OR7C1: variants seen among roughly 807,000 people sequenced by gnomAD.
The protein encoded by OR7C1 is olfactory receptor 7C1.
For missense variants in OR7C1, 324 were observed against 383.3 expected, an observed-to-expected ratio of 0.85 and a Z score of 1.29; for synonymous variants, 152 against 160.7, an observed-to-expected ratio of 0.95 and a Z score of 0.41.
rs370546644 is a variant in OR7C1, at chr19:14,828,087, T to A, written c.-623+6987A>T. 1.4e-5 allele frequency: 22 copies of A among 1,612,884 alleles called. No individual in the cohort carries two copies. The African/African-American group carries it at 2.7e-4, about 20-fold the overall frequency. ...GTACATGGGGGTGTGGAGGTGGGAG[T>A]CTGAGATTGTGGCCAGGATGATGAG... is the stretch of plus-strand genomic sequence containing the variant. On this transcript the variant is annotated intron_variant, in intron 1 of 4. Transcript: ENST00000641666.
At chr19:14,803,036 G>A (rs1247317793) in intron 2 of OR7C1, among the ~76,000 whole-genome samples, 8 of 152,228 alleles carry the variant, frequency 5.3e-5, no homozygotes, top group Non-Finnish European at 8.8e-5. Flanking sequence ...GCCAGGCGTC[G>A]TGGCTCACGC....
chr19:14,828,651 T>A (rs992814057), intron 1 of OR7C1, among the ~76,000 whole-genome samples: 3 of 148,920 alleles, frequency 2.0e-5, no homozygotes, highest in African/African-American at 7.5e-5. Context: ...CCCAGCTACT[T>A]GGGAGGCTGA....
intron 1 of OR7C1, chr19:14,824,114 C>T (rs1185970036): frequency 6.6e-6 from 1 of 152,182 alleles, no homozygotes; most frequent in Non-Finnish European, 1.5e-5. Flanking sequence ...AGCTCCCTAA[C>T]TTTTATGGCT....
chr19:14,824,507 T>G (rs2083262099), intron 1 of OR7C1: 1 of 152,224 alleles, frequency 6.6e-6, no homozygotes, highest in South Asian at 2.1e-4. Flanking sequence ...TTAGTTCACT[T>G]AGGATAATGG....
At chr19:14,819,837 C>T (rs182703502) in intron 1 of OR7C1, among the ~76,000 whole-genome samples, 256 of 152,280 alleles carry the variant, frequency 1.7e-3, no homozygotes, top group Non-Finnish European at 3.0e-3. Context: ...ATCTCAAATT[C>T]GAAACCCATG....
intron 1 of OR7C1, among the ~76,000 whole-genome samples, chr19:14,818,550 A>C (rs564573385): frequency 1.3e-5 from 2 of 152,300 alleles, no homozygotes; most frequent in African/African-American, 4.8e-5. Flanking sequence ...TTTGTTAGAT[A>C]GTTCCTGTTT....
intron 2 of OR7C1, among the ~76,000 whole-genome samples, chr19:14,808,276 C>A (rs2044675309): frequency 6.6e-6 from 1 of 151,872 alleles, no homozygotes; most frequent in Non-Finnish European, 1.5e-5. Context: ...TGGGTATATA[C>A]CCCAAAGAAA....
chr19:14,808,788 T>C (rs751566680), intron 2 of OR7C1, among the ~76,000 whole-genome samples: 25 of 152,140 alleles, frequency 1.6e-4, no homozygotes, highest in Non-Finnish European at 3.2e-4. Context: ...AGTTTTTCCA[T>C]TTATGTAGAC....
chr19:14,833,333 G>A (rs1026209939), intron 1 of OR7C1, among the ~76,000 whole-genome samples: 7 of 152,232 alleles, frequency 4.6e-5, no homozygotes, highest in Non-Finnish European at 8.8e-5. Flanking sequence ...ACAAAAATTA[G>A]ATGGGTATGG....
intron 1 of OR7C1, among the ~76,000 whole-genome samples, chr19:14,812,442 A>G (rs192637808): frequency 9.2e-5 from 14 of 152,310 alleles, no homozygotes; most frequent in Admixed American, 9.1e-4. Context: ...CAGACATTGT[A>G]TAAAAGAACA....
chr19:14,812,575 G>A (rs1390477314), intron 1 of OR7C1, among the ~76,000 whole-genome samples: 1 of 151,778 alleles, frequency 6.6e-6, no homozygotes, highest in Non-Finnish European at 1.5e-5. Context: ...AGAGTTGTGA[G>A]CCCTTAAAAG....
At chr19:14,814,669 C>T (rs1447268874) in intron 1 of OR7C1, among the ~76,000 whole-genome samples, 1 of 152,200 alleles carries the variant, frequency 6.6e-6, no homozygotes, top group South Asian at 2.1e-4. Flanking sequence ...AGGTGATCCA[C>T]CTGCCTCGGC....
At chr19:14,812,893 A>G (rs2044697978) in intron 1 of OR7C1, among the ~76,000 whole-genome samples, 2 of 151,626 alleles carry the variant, frequency 1.3e-5, no homozygotes, top group Admixed American at 6.6e-5. Context: ...GTGAAACCCC[A>G]TCTCTACTAA....
intron 1 of OR7C1, among the ~76,000 whole-genome samples, chr19:14,822,195 A>C (rs770721487): frequency 9.2e-5 from 14 of 151,996 alleles, no homozygotes; most frequent in Non-Finnish European, 2.1e-4. Context: ...CAACATACTG[A>C]TTTCATTTCC....
chr19:14,808,834 C>T (rs909728840), intron 2 of OR7C1, among the ~76,000 whole-genome samples: 1 of 151,954 alleles, frequency 6.6e-6, no homozygotes. Context: ...GCTTTGTCCT[C>T]GTTAGAACTC....
At chr19:14,822,747 A>C (rs1436708466) in intron 1 of OR7C1, among the ~76,000 whole-genome samples, 2 of 151,900 alleles carry the variant, frequency 1.3e-5, no homozygotes, top group African/African-American at 4.8e-5. Flanking sequence ...GTTATAATGT[A>C]CATTTCTCTG....
At chr19:14,827,384 G>C in intron 1 of OR7C1, 1 of 1,613,566 alleles carries the variant, frequency 6.2e-7, no homozygotes, top group South Asian at 1.1e-5. Flanking sequence ...AGATAAAGGG[G>C]TTCAGCATGG....
At chr19:14,827,596 A>G (rs1484176999) in intron 1 of OR7C1, 1 of 1,614,196 alleles carries the variant, frequency 6.2e-7, no homozygotes, top group African/African-American at 1.3e-5. Flanking sequence ...GAGTAAGAGT[A>G]AAGGATCCCA....
intron 1 of OR7C1, among the ~76,000 whole-genome samples, chr19:14,814,903 GA>G (rs986929238): frequency 1.6e-4 from 25 of 152,282 alleles, no homozygotes; most frequent in African/African-American, 6.0e-4. Context: ...GAGACCATGA[GA>G]CTGGCAGAAC....
Sources: gnomAD v4.1 joint callset for allele counts (sites outside exome capture counted in the v4.1 genomes callset) on GRCh38, gnomAD v4.1.1 for gene constraint, MANE v1.5 for transcripts, NCBI Gene and HGNC (gene_info 2026-07-23, HGNC 2026-07-21) for gene names.